Variants in FYCO1 observed in about 807,000 individuals in gnomAD.
FYCO1 encodes FYVE and coiled-coil domain autophagy adaptor 1.
A neutral mutation model predicts 165.1 loss-of-function variants in FYCO1; 122 were observed. The observed-to-expected ratio is 0.74, with a 90% CI of 0.64 to 0.86. The LOEUF is 0.86. FYCO1 is among the 40% of genes least tolerant of loss of function. The probability of loss-of-function intolerance (pLI) is 0.00; values close to 1 mark genes in which losing one functional copy is unlikely to be tolerated. For missense variants in FYCO1, 1,702 were observed against 1,810.3 expected (o/e 0.94, Z 1.09); for synonymous variants, 648 against 742.5 (o/e 0.87, Z 2.07).
At position 45,956,462 on chromosome 3, in the gene FYCO1, A is replaced by G. The variant is rs533021829; in HGVS notation, c.3800-1069T>C. Among the ~76,000 whole-genome samples the G allele has an allele frequency of 9.8e-5, 15 of 152,340 alleles. No homozygotes were observed. The East Asian group carries it at 2.7e-3, about 27-fold the overall frequency. ...CTAATGAGTCAGGGCAAGCCCATGCAAAGTTCCTGGGGTGTTTAGCAAGAA... is the reference window on the plus strand; with the variant it reads ...CTAATGAGTCAGGGCAAGCCCATGCGAAGTTCCTGGGGTGTTTAGCAAGAA... On this transcript the variant is annotated intron_variant, in intron 13 of 17. Coordinates refer to ENST00000296137, the MANE Select transcript of FYCO1 (RefSeq NM_024513.4).
chr3:45,934,581 G>C (rs1215992692), intron 15 of FYCO1, among the ~76,000 whole-genome samples: 1 of 152,222 alleles, frequency 6.6e-6, no homozygotes, highest in Admixed American at 6.5e-5. Context: ...TGTGTGAAAA[G>C]AATTATATAC....
intron 14 of FYCO1, among the ~76,000 whole-genome samples, chr3:45,953,525 A>C (rs1705144307): frequency 6.6e-6 from 1 of 152,206 alleles, no homozygotes; most frequent in South Asian, 2.1e-4. Flanking sequence ...ATTTTTAAAA[A>C]CTGACCTTGT....
chr3:45,930,447 G>A (rs760324313), intron 16 of FYCO1, among the ~76,000 whole-genome samples: 1 of 152,186 alleles, frequency 6.6e-6, no homozygotes, highest in Admixed American at 6.5e-5. Context: ...TACACCAGTG[G>A]TTCTCAACCT....
intron 16 of FYCO1, among the ~76,000 whole-genome samples, chr3:45,926,574 C>G (rs1297478074): frequency 6.6e-6 from 1 of 152,208 alleles, no homozygotes; most frequent in Non-Finnish European, 1.5e-5. Flanking sequence ...TTCAATACCT[C>G]TTTCTTAATA....
Position 45,962,200 on chromosome 3 carries a change from G to A in FYCO1, c.3437+25C>T. 5 of 1,613,462 alleles carry A rather than the reference G, an allele frequency of 3.1e-6. No individual in the cohort carries two copies. The highest frequency in any genetic ancestry group is 4.2e-6 in the Non-Finnish European group (5 of 1,179,374). On this transcript the variant is annotated intron_variant, in intron 11 of 17. Coordinates refer to ENST00000296137, the MANE Select transcript of FYCO1 (RefSeq NM_024513.4). The surrounding 1 kb of genome is among the most constrained non-coding windows in gnomAD (Gnocchi z 4.4). ...AAACCCCAGTGTGGGGAAAACCCCA[G>A]CTGCTGGTTTGACACAGCACTCACC...
chr3:45,993,753 G>T lies in FYCO1; in HGVS notation c.-113+1969C>A, dbSNP rs184112216. 6.6e-6 allele frequency among the ~76,000 whole-genome samples: 1 copy of T among 152,134 alleles called. No individual in the cohort carries two copies. The highest frequency in any genetic ancestry group is 1.5e-5 in the Non-Finnish European group (1 of 68,034). Reference sequence around the variant, plus strand: ...GTGAACGTGGTTCCTAAATCTAGGTGCCTACCAGTGATTTCCACCATAAGA... The same window carrying T: ...GTGAACGTGGTTCCTAAATCTAGGTTCCTACCAGTGATTTCCACCATAAGA... On this transcript the variant is annotated intron_variant, in intron 1 of 17. Transcript: ENST00000296137. The surrounding 1 kb of genome is among the most constrained non-coding windows in gnomAD (Gnocchi z 4.4).
intron 12 of FYCO1, 133 bp from the exon 13 acceptor site, chr3:45,958,752 G>T: frequency 1.2e-6 from 1 of 814,216 alleles, no homozygotes; most frequent in African/African-American, 1.7e-5. Flanking sequence ...TTAGGATGTG[G>T]CCATGAGCTC....
chr3:45,921,772 A>G lies in FYCO1; in HGVS notation c.4430T>C (p.Phe1477Ser). The change falls in exon 18 of 18, where the codon TTC becomes TCC. Residue 1477 changes from phenylalanine to serine, a missense_variant. By Grantham distance (155) the Phe-to-Ser change is radical (BLOSUM62 -2). Transcript: ENST00000296137. ...DRPVIYDGSD[F>S]L ...GTTACTGAGGTGCTGAAGCTACAGGAAATCACTTCCATCGTAGATCACAGG... is the reference window on the plus strand; with the variant it reads ...GTTACTGAGGTGCTGAAGCTACAGGGAATCACTTCCATCGTAGATCACAGG... 1 of 1,606,374 alleles carries G rather than the reference A, an allele frequency of 6.2e-7. No individual in the cohort carries two copies. Among genetic ancestry groups the G allele is most frequent in the Non-Finnish European group, 8.5e-7 (1 of 1,172,918 alleles).
At chr3:45,941,562 C>T (rs1301820117) in intron 14 of FYCO1, among the ~76,000 whole-genome samples, 1 of 152,090 alleles carries the variant, frequency 6.6e-6, no homozygotes, top group Non-Finnish European at 1.5e-5. Context: ...AAATTTTAGC[C>T]CCAAACCTGC....
At chr3:45,959,664 A>G (rs1306034699) in intron 11 of FYCO1, 122 bp from the exon 12 acceptor site, 4 of 1,071,848 alleles carry the variant, frequency 3.7e-6, no homozygotes, top group Non-Finnish European at 5.5e-6. Context: ...ATTCACTTTC[A>G]CCTTGGAAAT....
At chr3:45,975,150 A>C in intron 5 of FYCO1, 89 bp downstream of exon 5, 1 of 888,972 alleles carries the variant, frequency 1.1e-6, no homozygotes, top group Non-Finnish European at 1.9e-6. Flanking sequence ...ACAAATGAGC[A>C]CTACTGTTGC....
At chr3:45,965,694 G>A (rs149841835) in intron 8 of FYCO1, among the ~76,000 whole-genome samples, 1 of 152,332 alleles carries the variant, frequency 6.6e-6, no homozygotes, top group African/African-American at 2.4e-5. Flanking sequence ...AGCACCTGAT[G>A]GGGTTGGTTA....
chr3:45,934,807 G>A (rs1703807763), intron 15 of FYCO1, among the ~76,000 whole-genome samples: 1 of 152,156 alleles, frequency 6.6e-6, no homozygotes, highest in Non-Finnish European at 1.5e-5. Flanking sequence ...AGCATGCAAG[G>A]GACATTTTGG....
At chr3:45,984,617 G>GT in intron 2 of FYCO1, 1 of 623,590 alleles carries the variant, frequency 1.6e-6, no homozygotes, top group East Asian at 2.8e-5. Context: ...GGAGCCGGGT[G>GT]TATGATTTTG....
intron 7 of FYCO1, 84 bp downstream of exon 7, chr3:45,969,591 G>T: frequency 9.5e-7 from 1 of 1,049,954 alleles, no homozygotes; most frequent in South Asian, 1.3e-5. Context: ...GGGCATCTGA[G>T]AACATCACCC....
At chr3:45,947,638 G>A (rs1704715454) in intron 14 of FYCO1, 1 of 716,004 alleles carries the variant, frequency 1.4e-6, no homozygotes, top group African/African-American at 1.8e-5. Flanking sequence ...CACTCTGGCT[G>A]GTTTGGAATG....
intron 1 of FYCO1, among the ~76,000 whole-genome samples, chr3:45,990,650 CTGAATGAA>C (rs1707516866): frequency 6.6e-6 from 1 of 152,146 alleles, no homozygotes; most frequent in South Asian, 2.1e-4. Context: ...TAAATTACTG[CTGAATGAA>C]TGAATGAATT....
At chr3:45,948,302 C>T (rs1218954898) in intron 14 of FYCO1, 1 of 166,694 alleles carries the variant, frequency 6.0e-6, no homozygotes, top group East Asian at 1.9e-4. Flanking sequence ...TCATATATTA[C>T]TAGCATATGA....
Position 45,982,252 on chromosome 3 carries a change from G to A in FYCO1, c.56-576C>T, listed in dbSNP as rs554925417. Among the ~76,000 whole-genome samples, 93 of 151,996 alleles carry A rather than the reference G, an allele frequency of 6.1e-4. 1 individual carries two copies. The South Asian group carries it at 0.019, about 31-fold the overall frequency. Reference sequence around the variant, plus strand: ...TGAGAGGCAGGGATTGCCTTATTTCGATGAATCTAAGATACAATTAATTAT... The same window carrying A: ...TGAGAGGCAGGGATTGCCTTATTTCAATGAATCTAAGATACAATTAATTAT... On this transcript the variant is annotated intron_variant, in intron 2 of 17. Coordinates refer to ENST00000296137, the MANE Select transcript of FYCO1 (RefSeq NM_024513.4).
Sources: gnomAD v4.1 joint callset for allele counts (sites outside exome capture counted in the v4.1 genomes callset) on GRCh38, gnomAD v4.1.1 for gene constraint, Gnocchi (gnomAD v3.1) non-coding constraint, MANE v1.5 for transcripts, NCBI Gene and HGNC (gene_info 2026-07-23, HGNC 2026-07-21) for gene names.